Variants in URB1 observed in about 807,000 individuals in gnomAD.
URB1 encodes URB1 ribosome biogenesis factor.
A neutral mutation model predicts 242.3 loss-of-function variants in URB1; 197 were observed. The ratio of observed to expected loss-of-function variants is 0.81; its 90% CI spans 0.72 to 0.91. URB1 has a LOEUF of 0.91. Among genes scored for constraint, URB1 ranks in the 40% least tolerant of loss-of-function variants. The pLI, the probability that URB1 is intolerant of heterozygous loss-of-function variation, is 0.00. For synonymous variants in URB1, 1,153 were observed against 1,201.8 expected (o/e 0.96, Z 0.84); for missense variants, 2,721 against 2,860.5 (o/e 0.95, Z 1.11).
At chr21:32,370,594 A>T (rs1006996199) in intron 8 of URB1, among the ~76,000 whole-genome samples, 2 of 152,208 alleles carry the variant, frequency 1.3e-5, no homozygotes, top group Non-Finnish European at 2.9e-5. Context: ...CCCACTTTAT[A>T]GACAAGATAA....
chr21:32,315,958 T>C (rs1049135237), intron 38 of URB1, among the ~76,000 whole-genome samples: 10 of 152,216 alleles, frequency 6.6e-5, no homozygotes, highest in African/African-American at 2.2e-4. Context: ...CTGGAGCTTG[T>C]GCTACTCACT....
intron 30 of URB1, among the ~76,000 whole-genome samples, chr21:32,327,328 T>C (rs2032841233): frequency 1.3e-5 from 2 of 152,158 alleles, no homozygotes; most frequent in Non-Finnish European, 2.9e-5. Flanking sequence ...AGCAACTTCT[T>C]TAAAGTACTG....
chr21:32,311,881 G>T lies in URB1; in HGVS notation c.*3037C>A, dbSNP rs1197668725. ...AGCTCCTCCACCTTGCCCCTCGGGG[G>T]TTTCCAGACCCACCCCACTCTCCTC... On this transcript the variant is annotated 3_prime_UTR_variant, in exon 39 of 39. Transcript: ENST00000382751. 7 of 1,614,058 alleles carry T rather than the reference G, an allele frequency of 4.3e-6. No individual in the cohort carries two copies. The East Asian group carries it at 1.3e-4, about 31-fold the overall frequency.
At chr21:32,316,106 C>T (rs770334018) in intron 38 of URB1, among the ~76,000 whole-genome samples, 5 of 151,848 alleles carry the variant, frequency 3.3e-5, no homozygotes, top group Non-Finnish European at 7.3e-5. Context: ...TACGCACGCA[C>T]GCGCACACAC....
Position 32,325,136 on chromosome 21 carries a change from T to C in URB1, c.5121+93A>G, listed in dbSNP as rs1601122567. 2.1e-6 allele frequency: 3 copies of C among 1,416,110 alleles called. No homozygotes were observed. The Admixed American group carries it at 6.9e-5, about 33-fold the overall frequency. 87.7% of individuals were successfully genotyped at this position (1,416,110 alleles called of 1,614,324 possible). On this transcript the variant is annotated intron_variant, in intron 31 of 38. Transcript: ENST00000382751. ...GGCAACATGCCACCTCCGTGTTCCC[T>C]AGTAAATCCTTCTACCAAACCGGGT...
chr21:32,375,433 T>C lies in URB1; in HGVS notation c.715A>G (p.Thr239Ala). ...AGTGTGGATAATAAAATATTGATGG[T>C]AGAGATCCTATCTTCCTTTATCCCT... is the stretch of plus-strand genomic sequence containing the variant. ...SSGIKEDRIS[T>A]INILLSTLKT... Residue 239 changes from threonine to alanine, a missense_variant, in exon 6 of 39, where the codon ACC becomes GCC. Thr to Ala is a moderately conservative substitution (Grantham distance 58). Coordinates refer to ENST00000382751, the MANE Select transcript of URB1 (RefSeq NM_014825.3). 4 of 1,540,880 alleles carry C rather than the reference T, an allele frequency of 2.6e-6. No homozygotes were observed. In the South Asian group the frequency reaches 4.9e-5, roughly 19 times the overall value.
intron 1 of URB1, among the ~76,000 whole-genome samples, 177 bp downstream of exon 1, chr21:32,392,592 G>C (rs928642535): frequency 6.6e-6 from 1 of 152,198 alleles, no homozygotes; most frequent in South Asian, 2.1e-4. Flanking sequence ...CGCTGTCGCC[G>C]ACAGTCCAGA....
At chr21:32,357,400 G>T in intron 15 of URB1, 137 bp downstream of exon 15, 1 of 953,784 alleles carries the variant, frequency 1.0e-6, no homozygotes, top group Non-Finnish European at 1.4e-6. Flanking sequence ...AAATTAAACT[G>T]CCATAAAACC....
At chr21:32,332,259 CAG>C (rs971286956) in intron 30 of URB1, among the ~76,000 whole-genome samples, 4 of 151,844 alleles carry the variant, frequency 2.6e-5, no homozygotes, top group Non-Finnish European at 4.4e-5. Context: ...TAGGAGTAGA[CAG>C]AGTTCTTAGA....
chr21:32,347,950 C>G, intron 21 of URB1, 139 bp from the exon 22 acceptor site: 1 of 1,358,278 alleles, frequency 7.4e-7, no homozygotes. Context: ...CATCCTCAAG[C>G]CTACATTTCC....
At chr21:32,323,698 C>T (rs893924509) in intron 32 of URB1, among the ~76,000 whole-genome samples, 2 of 152,174 alleles carry the variant, frequency 1.3e-5, no homozygotes, top group Non-Finnish European at 2.9e-5. Context: ...CTAGGCCAGG[C>T]ATGGTGGCTC....
In URB1 at chr21:32,375,498, T is replaced by C; in HGVS notation, c.665-15A>G. ...AGGAATAAATTCTGAAAGTAAAAGT[T>C]TCAAAGCATTAAATTCAAAAATATT... On this transcript the variant is annotated splice_polypyrimidine_tract_variant and intron_variant, in intron 5 of 38. Transcript: ENST00000382751. 2 of 1,438,194 alleles carry C rather than the reference T, an allele frequency of 1.4e-6. No homozygotes were observed. Among genetic ancestry groups the C allele is most frequent in the Non-Finnish European group, 1.9e-6 (2 of 1,058,536 alleles). The allele number at this position is 1,438,194 out of a possible 1,614,324, so 89.1% of individuals were successfully genotyped here.
chr21:32,357,386 C>T (rs1360212416), intron 15 of URB1, 151 bp downstream of exon 15: 5 of 788,554 alleles, frequency 6.3e-6, no homozygotes, highest in South Asian at 1.1e-4. Context: ...GTGTAAGACA[C>T]AATAAATTAA....
chr21:32,337,013 G>GA, intron 28 of URB1, 81 bp downstream of exon 28: 1 of 1,386,490 alleles, frequency 7.2e-7, no homozygotes, highest in East Asian at 2.5e-5. Context: ...TGGAATGAGA[G>GA]AAAATCTCGA....
At chr21:32,340,848 C>T (rs1001778289) in intron 25 of URB1, among the ~76,000 whole-genome samples, 19 of 152,066 alleles carry the variant, frequency 1.2e-4, no homozygotes, top group African/African-American at 1.4e-4. Flanking sequence ...ACAGCCTAGA[C>T]ATTTGTCAGT....
intron 27 of URB1, 122 bp downstream of exon 27, chr21:32,337,282 A>C (rs1412974274): frequency 9.7e-6 from 13 of 1,339,590 alleles, no homozygotes; most frequent in Non-Finnish European, 1.3e-5. Flanking sequence ...CCCTGCTTGC[A>C]CCGCCTGGTC....
intron 7 of URB1, among the ~76,000 whole-genome samples, chr21:32,372,940 G>A (rs1002261414): frequency 1.3e-5 from 2 of 152,142 alleles, no homozygotes; most frequent in African/African-American, 4.8e-5. Flanking sequence ...GAGGCTTGCT[G>A]GTCTAGAGCA....
chr21:32,346,758 A>G (rs1447754368), intron 22 of URB1, among the ~76,000 whole-genome samples, 198 bp downstream of exon 22: 1 of 152,188 alleles, frequency 6.6e-6, no homozygotes, highest in Non-Finnish European at 1.5e-5. Context: ...TCAAGCCACA[A>G]AGTAGGGAGA....
intron 30 of URB1, chr21:32,333,114 A>G: frequency 2.0e-6 from 1 of 503,846 alleles, no homozygotes; most frequent in Non-Finnish European, 3.5e-6. Flanking sequence ...TTTTTTTTTT[A>G]AATCACTGTA....
Sources: gnomAD v4.1 joint callset for allele counts (sites outside exome capture counted in the v4.1 genomes callset) on GRCh38, gnomAD v4.1.1 for gene constraint, MANE v1.5 for transcripts, NCBI Gene and HGNC (gene_info 2026-07-23, HGNC 2026-07-21) for gene names.